ABLIM2: variants seen among roughly 807,000 people sequenced by gnomAD.
The protein encoded by ABLIM2 is actin binding LIM protein family member 2, also known as actin-binding LIM protein 2.
Under a neutral mutation model 97.7 loss-of-function variants are expected in ABLIM2, and 53 were observed. That is an observed-to-expected ratio of 0.54 (90% CI 0.44 to 0.68). The LOEUF is 0.68. Among genes scored for constraint, ABLIM2 ranks in the 30% least tolerant of loss-of-function variants. The pLI is 0.00. For synonymous variants in ABLIM2, 361 were observed against 345.8 expected (o/e 1.04, Z -0.49); for missense variants, 835 against 867.2 (o/e 0.96, Z 0.47).
At chr4:7,981,812 G>A (rs533971659) in intron 20 of ABLIM2, among the ~76,000 whole-genome samples, 1 of 152,154 alleles carries the variant, frequency 6.6e-6, no homozygotes, top group Non-Finnish European at 1.5e-5. Flanking sequence ...CCTCATCTTA[G>A]AGGTGCAGAA....
intron 17 of ABLIM2, among the ~76,000 whole-genome samples, chr4:7,985,142 G>A (rs1156681629): frequency 6.6e-6 from 1 of 152,192 alleles, no homozygotes; most frequent in Admixed American, 6.5e-5. Flanking sequence ...CTGCCTGGGC[G>A]GTCTCCACAG....
At chr4:8,096,789 G>A (rs753017170) in intron 3 of ABLIM2, among the ~76,000 whole-genome samples, 17 of 152,172 alleles carry the variant, frequency 1.1e-4, no homozygotes, top group Admixed American at 2.0e-4. Context: ...GGCGGAGCGG[G>A]GCCGGTGCAG....
Position 8,096,340 on chromosome 4 carries a change from C to T in ABLIM2, c.338+759G>A, listed in dbSNP as rs554627697. On this transcript the variant is annotated intron_variant, in intron 3 of 20. Transcript: ENST00000447017. ...TTTAAAATAATGGATTAACCAGAGG[C>T]GATCTTTCAAACCAACTGTGAGATG... 2.5e-4 allele frequency among the ~76,000 whole-genome samples: 38 copies of T among 152,284 alleles called. No homozygotes were observed. The South Asian group carries it at 3.3e-3, about 13-fold the overall frequency.
rs1207398104 is a variant in ABLIM2 at position 8,055,107 on chromosome 4, G to A, written c.764-861C>T. Among the ~76,000 whole-genome samples, 4 of 152,038 alleles carry A rather than the reference G, an allele frequency of 2.6e-5. No individual in the cohort carries two copies. The East Asian group carries it at 7.8e-4, about 29-fold the overall frequency. ...AAGAATTCTACCTTGTCAGGTCACTGGGTGAATTTAATAAAATCAAGCAGA... is the reference window on the plus strand; with the variant it reads ...AAGAATTCTACCTTGTCAGGTCACTAGGTGAATTTAATAAAATCAAGCAGA... On this transcript the variant is annotated intron_variant, in intron 7 of 20. Coordinates refer to ENST00000447017, the MANE Select transcript of ABLIM2 (RefSeq NM_001130083.2).
intron 9 of ABLIM2, among the ~76,000 whole-genome samples, chr4:8,041,773 G>A (rs113459231): frequency 7.9e-5 from 12 of 152,032 alleles, no homozygotes; most frequent in African/African-American, 2.7e-4. Flanking sequence ...GCATGGTGGC[G>A]GGTGCCTGTT....
chr4:8,036,008 G>A lies in ABLIM2; in HGVS notation c.1047+141C>T, dbSNP rs549132267. 39 of 1,054,748 alleles carry A rather than the reference G, an allele frequency of 3.7e-5. 1 individual carries two copies. The highest frequency in any genetic ancestry group is 6.2e-4 in the Middle Eastern group (2 of 3,246). 65.3% of individuals were successfully genotyped at this position (1,054,748 alleles called of 1,614,324 possible). A position where few individuals can be genotyped will look rare whatever the true frequency, so the allele number is the denominator to read the frequency against. ...ATGTGCACATGGCTATCTGATGGGC[G>A]TGAAGAGGCTGAGCGTGTGGGTGAG... is the stretch of plus-strand genomic sequence containing the variant. On this transcript the variant is annotated intron_variant, in intron 10 of 20. Transcript: ENST00000447017.
In ABLIM2 at chr4:8,106,728, C is replaced by G. The variant is rs971857524; in HGVS notation, c.11-91G>C. Reference sequence around the variant, plus strand: ...AGGCGTGTGAGGACGCACAGCTGACCCTGCCAGCGGGCCCCGCACCCACCA... The same window carrying G: ...AGGCGTGTGAGGACGCACAGCTGACGCTGCCAGCGGGCCCCGCACCCACCA... On this transcript the variant is annotated intron_variant, in intron 1 of 20. Coordinates refer to ENST00000447017, the MANE Select transcript of ABLIM2 (RefSeq NM_001130083.2). The G allele has an allele frequency of 4.9e-5, 72 of 1,462,952 alleles. No individual in the cohort carries two copies. The African/African-American group carries it at 9.1e-4, about 19-fold the overall frequency. The allele number at this position is 1,462,952 out of a possible 1,614,324, so 90.6% of individuals were successfully genotyped here.
At chr4:8,117,707 C>T (rs1252020808) in intron 1 of ABLIM2, among the ~76,000 whole-genome samples, 7 of 152,110 alleles carry the variant, frequency 4.6e-5, no homozygotes, top group Non-Finnish European at 7.3e-5. Flanking sequence ...TAGGCTCGAC[C>T]GAGAAGACCT....
At chr4:8,146,863 A>C (rs1851884513) in intron 1 of ABLIM2, among the ~76,000 whole-genome samples, 1 of 152,046 alleles carries the variant, frequency 6.6e-6, no homozygotes, top group Admixed American at 6.5e-5. Flanking sequence ...TTAATTTCGA[A>C]TACAATAAAT....
Position 8,158,774 on chromosome 4 carries a change from C to T in ABLIM2, c.-85G>A. On this transcript the variant is annotated 5_prime_UTR_variant, in exon 1 of 21. Transcript: ENST00000447017. ...GCAGGTGCCGCGCCCGCGCTATCCTCCGCCCGCCCGCCGGCTCCGCGCCCG... is the reference window on the plus strand; with the variant it reads ...GCAGGTGCCGCGCCCGCGCTATCCTTCGCCCGCCCGCCGGCTCCGCGCCCG... The T allele has an allele frequency of 8.3e-7, 1 of 1,203,492 alleles. No individual in the cohort carries two copies. The highest frequency in any genetic ancestry group is 1.0e-6 in the Non-Finnish European group (1 of 956,924). 74.6% of individuals were successfully genotyped at this position (1,203,492 alleles called of 1,614,324 possible).
At chr4:8,062,762 G>A (rs1377100838) in intron 6 of ABLIM2, among the ~76,000 whole-genome samples, 1 of 152,106 alleles carries the variant, frequency 6.6e-6, no homozygotes, top group Non-Finnish European at 1.5e-5. Context: ...ACTCTTAAGT[G>A]TAAATCAGAG....
intron 1 of ABLIM2, among the ~76,000 whole-genome samples, chr4:8,151,665 T>C (rs565722494): frequency 6.6e-6 from 1 of 152,110 alleles, no homozygotes; most frequent in Non-Finnish European, 1.5e-5. Context: ...AGCAGGGTTG[T>C]ACCCCGAGGA....
rs1844726744 is a variant in ABLIM2 at position 8,120,213 on chromosome 4, G to A, written c.11-13576C>T. On this transcript the variant is annotated intron_variant, in intron 1 of 20. Transcript: ENST00000447017. This position sits in a 1 kb window ranked among gnomAD's most constrained non-coding sequence, Gnocchi z 5.6. ...GTGGCAGGAAGCAAGAGCGGTGCCA[G>A]CGGGGAGCTCGAGCCATCTCTGTGG... 6.6e-6 allele frequency among the ~76,000 whole-genome samples: 1 copy of A among 152,180 alleles called. No homozygotes were observed. The highest frequency in any genetic ancestry group is 2.4e-5 in the African/African-American group (1 of 41,462).
chr4:8,152,139 C>A (rs1478276152), intron 1 of ABLIM2, among the ~76,000 whole-genome samples: 1 of 152,126 alleles, frequency 6.6e-6, no homozygotes, highest in African/African-American at 2.4e-5. Context: ...CATGATGCCC[C>A]CAAACGGGCC....
chr4:8,051,562 CAAAAA>C (rs36056609), intron 8 of ABLIM2, among the ~76,000 whole-genome samples: 1 of 107,922 alleles, frequency 9.3e-6, no homozygotes, highest in Non-Finnish European at 1.8e-5. Context: ...GATTCCATCT[CAAAAA>C]AAAAAAAAAA....
chr4:7,997,888 C>CT (rs1264624649), intron 16 of ABLIM2, among the ~76,000 whole-genome samples: 48 of 147,128 alleles, frequency 3.3e-4, no homozygotes, highest in Admixed American at 6.1e-4. Context: ...TTCTTTTTTT[C>CT]TTTTTTTTTT....
intron 9 of ABLIM2, among the ~76,000 whole-genome samples, chr4:8,037,929 C>G (rs1459280290): frequency 6.6e-6 from 1 of 152,212 alleles, no homozygotes; most frequent in Non-Finnish European, 1.5e-5. Flanking sequence ...TTCTGCCCAG[C>G]CTTCCTCCGC....
At chr4:7,981,234 C>A (rs6824006) in intron 20 of ABLIM2, among the ~76,000 whole-genome samples, 1 of 151,834 alleles carries the variant, frequency 6.6e-6, no homozygotes, top group Non-Finnish European at 1.5e-5. Context: ...TGAGCCACCA[C>A]GCCCAGTGCA....
At chr4:8,088,360 A>G in intron 3 of ABLIM2, 76 bp from the exon 4 acceptor site, 1 of 1,169,520 alleles carries the variant, frequency 8.6e-7, no homozygotes, top group Non-Finnish European at 1.2e-6. Context: ...CCAGTGCAGG[A>G]GACCAGGGCC....
Sources: gnomAD v4.1 joint callset for allele counts (sites outside exome capture counted in the v4.1 genomes callset) on GRCh38, gnomAD v4.1.1 for gene constraint, Gnocchi (gnomAD v3.1) non-coding constraint, MANE v1.5 for transcripts, NCBI Gene and HGNC (gene_info 2026-07-23, HGNC 2026-07-21) for gene names.